MOV10L1: variants seen among roughly 807,000 people sequenced by gnomAD.
The protein encoded by MOV10L1 is RNA helicase Mov10l1.
Under a neutral mutation model 143.8 loss-of-function variants are expected in MOV10L1, and 110 were observed. That is an observed-to-expected ratio of 0.76 (90% CI 0.66 to 0.90). The LOEUF is 0.90. MOV10L1 is among the 40% of genes least tolerant of loss of function. The pLI, the probability that MOV10L1 is intolerant of heterozygous loss-of-function variation, is 0.00. For synonymous variants in MOV10L1, 593 were observed against 581.1 expected (o/e 1.02, Z -0.29); for missense variants, 1,406 against 1,526.8 (o/e 0.92, Z 1.32).
chr22:50,142,898 TG>T, intron 16 of MOV10L1, 144 bp from the exon 17 acceptor site: 1 of 692,618 alleles, frequency 1.4e-6, no homozygotes, highest in Non-Finnish European at 2.5e-6. Flanking sequence ...ATCTTACCCC[TG>T]GTCACACTGA....
intron 3 of MOV10L1, among the ~76,000 whole-genome samples, chr22:50,105,125 T>G (rs1265240116): frequency 6.6e-6 from 1 of 152,190 alleles, no homozygotes; most frequent in East Asian, 1.9e-4. Flanking sequence ...CCACAGTGTT[T>G]TTAATTGAGG....
intron 17 of MOV10L1, 50 bp from the exon 18 acceptor site, chr22:50,144,047 C>A: frequency 6.3e-7 from 1 of 1,581,204 alleles, no homozygotes; most frequent in Non-Finnish European, 8.7e-7. Context: ...CTGGTTTCCA[C>A]CTTGCGGTGT....
In MOV10L1 at chr22:50,125,141, G is replaced by A. The variant is rs149935506; in HGVS notation, c.1570-251G>A. Among the ~76,000 whole-genome samples, 80 of 152,332 alleles carry A rather than the reference G, an allele frequency of 5.3e-4. No individual in the cohort carries two copies. In the East Asian group the frequency reaches 0.013, roughly 25 times the overall value. On this transcript the variant is annotated intron_variant, in intron 10 of 26. Transcript: ENST00000262794. The stretch of plus-strand genomic sequence containing the variant: ...GGGAGGGTGGACAGGAGTGGGCAGT[G>A]CAGGGAGGGACACCGCCAGCTGGAG...
intron 15 of MOV10L1, among the ~76,000 whole-genome samples, chr22:50,137,684 G>C (rs567388205): frequency 6.6e-6 from 1 of 150,570 alleles, no homozygotes; most frequent in Non-Finnish European, 1.5e-5. Context: ...CAGCCTGGGC[G>C]ACAGAGCAAG....
chr22:50,151,255 A>G (rs1193632972), intron 21 of MOV10L1, among the ~76,000 whole-genome samples: 1 of 152,240 alleles, frequency 6.6e-6, no homozygotes, highest in African/African-American at 2.4e-5. Flanking sequence ...CTGGGCTCTC[A>G]GCCAACCTTG....
At position 50,158,629 on chromosome 22, in the gene MOV10L1, G is replaced by C. The variant is rs2063485036; in HGVS notation, c.3216+423G>C. ...TAGCGTCCCCAGGCCCCAGGGGCTG[G>C]TCCCAGGAAGCATCTCCACACGTTC... is the stretch of plus-strand genomic sequence containing the variant. On this transcript the variant is annotated intron_variant, in intron 23 of 26. Transcript: ENST00000262794. The surrounding 1 kb of genome is among the most constrained non-coding windows in gnomAD (Gnocchi z 5.0). 1 of 160,390 alleles carries C rather than the reference G, an allele frequency of 6.2e-6. No homozygotes were observed. Among genetic ancestry groups the C allele is most frequent in the Admixed American group, 6.3e-5 (1 of 15,948 alleles). The allele number at this position is 160,390 out of a possible 1,614,324, so 9.9% of individuals were successfully genotyped here. A position where few individuals can be genotyped will look rare whatever the true frequency, so the allele number is the denominator to read the frequency against.
At chr22:50,144,394 C>T (rs1298711528) in intron 18 of MOV10L1, 151 bp downstream of exon 18, 5 of 920,360 alleles carry the variant, frequency 5.4e-6, no homozygotes, top group East Asian at 2.7e-5. Flanking sequence ...CATGGGCCCT[C>T]CCTCACCGCT....
intron 10 of MOV10L1, among the ~76,000 whole-genome samples, chr22:50,124,380 C>T (rs1026788764): frequency 1.3e-5 from 2 of 152,140 alleles, no homozygotes; most frequent in Non-Finnish European, 1.5e-5. Flanking sequence ...TTGCACATAA[C>T]GTTGTTTTTT....
chr22:50,133,034 G>GAAAAA (rs928378169), intron 13 of MOV10L1, among the ~76,000 whole-genome samples: 2 of 129,264 alleles, frequency 1.5e-5, no homozygotes, highest in African/African-American at 5.4e-5. Context: ...GCCTCCGTCT[G>GAAAAA]AAAAAAAAAA....
At position 50,100,504 on chromosome 22, in the gene MOV10L1, T is replaced by A. The variant is rs116291835; in HGVS notation, c.442+902T>A. On this transcript the variant is annotated intron_variant, in intron 3 of 26. Coordinates refer to ENST00000262794, the MANE Select transcript of MOV10L1 (RefSeq NM_018995.3). ...TACGTTTCCTAAAGTATATATCCTT[T>A]TTCTTTCTTTCTTTCTTTCTTTTTT... Among the ~76,000 whole-genome samples the A allele has an allele frequency of 3.9e-3, 598 of 151,846 alleles. 3 individuals are homozygous for A. The highest frequency in any genetic ancestry group is 0.014 in the African/African-American group (580 of 41,400).
In MOV10L1 at chr22:50,152,318, G is replaced by A. The variant is rs886510117; in HGVS notation, c.2893-727G>A. On this transcript the variant is annotated intron_variant, in intron 21 of 26. Coordinates refer to ENST00000262794, the MANE Select transcript of MOV10L1 (RefSeq NM_018995.3). This position sits in a 1 kb window ranked among gnomAD's most constrained non-coding sequence, Gnocchi z 4.4. ...CGGCTCCCCGCGGCACAGACGCAGC[G>A]AGTCCTCATGCCAATACATGGGTCA... Among the ~76,000 whole-genome samples, 10 of 152,208 alleles carry A rather than the reference G, an allele frequency of 6.6e-5. No individual in the cohort carries two copies. Among genetic ancestry groups the A allele is most frequent in the African/African-American group, 2.4e-4 (10 of 41,446 alleles).
intron 3 of MOV10L1, among the ~76,000 whole-genome samples, chr22:50,106,992 T>C (rs4838835): frequency 0.24 from 34,094 of 144,690 alleles, 4,241 homozygotes; most frequent in Admixed American, 0.36. Flanking sequence ...TGAGCCACCA[T>C]GCCCGGCCAG....
rs2063562260 is a variant in MOV10L1 at position 50,161,644 on chromosome 22, A to G, written c.*195A>G. ...TGCCAGCCTGTTCCTGCCACAGGGCAGTCACTGCCGCCTACCCTGAAATAA... is the reference window on the plus strand; with the variant it reads ...TGCCAGCCTGTTCCTGCCACAGGGCGGTCACTGCCGCCTACCCTGAAATAA... On this transcript the variant is annotated 3_prime_UTR_variant, in exon 27 of 27. Transcript: ENST00000262794. 1.1e-5 allele frequency: 6 copies of G among 550,584 alleles called. No homozygotes were observed. Among genetic ancestry groups the G allele is most frequent in the Non-Finnish European group, 1.9e-5 (6 of 313,066 alleles). The allele number at this position is 550,584 out of a possible 1,614,324, so 34.1% of individuals were successfully genotyped here.
At chr22:50,113,916 T>C in intron 6 of MOV10L1, 128 bp downstream of exon 6, 1 of 698,834 alleles carries the variant, frequency 1.4e-6, no homozygotes. Flanking sequence ...TCTTTTCTTT[T>C]TTTTTTTTTT....
intron 15 of MOV10L1, among the ~76,000 whole-genome samples, chr22:50,141,585 C>G (rs535313252): frequency 1.3e-5 from 2 of 151,880 alleles, no homozygotes; most frequent in African/African-American, 4.8e-5. Context: ...AGTGATCCAC[C>G]TGTCTTGGCC....
rs780777371 is a variant in MOV10L1, at chr22:50,114,442, A to G, written c.946A>G (p.Lys316Glu). The change falls in exon 7 of 27, where the codon AAA (lysine) becomes GAA (glutamate). Residue 316 changes from lysine to glutamate, a missense_variant. Transcript: ENST00000262794. Reference protein sequence around the residue: ...SCKLAGWDKSKQFRFQMLDKD... With the variant: ...SCKLAGWDKSEQFRFQMLDKD... The stretch of plus-strand genomic sequence containing the variant: ...TAAACTGGCTGGCTGGGATAAATCT[A>G]AACAATTCAGATTCCAAATGCTGGA... 6.2e-7 allele frequency: 1 copy of G among 1,614,218 alleles called. No homozygotes were observed. Among genetic ancestry groups the G allele is most frequent in the Non-Finnish European group, 8.5e-7 (1 of 1,180,020 alleles).
At chr22:50,127,227 G>A (rs1236733543) in intron 12 of MOV10L1, among the ~76,000 whole-genome samples, 3 of 152,158 alleles carry the variant, frequency 2.0e-5, no homozygotes, top group African/African-American at 7.2e-5. Context: ...CAAAGAAGCA[G>A]AGCCAGAGAT....
In MOV10L1 at chr22:50,099,519, T is replaced by C; in HGVS notation, c.359T>C (p.Leu120Ser). The C allele has an allele frequency of 6.2e-7, 1 of 1,614,172 alleles. No individual in the cohort carries two copies. The highest frequency in any genetic ancestry group is 8.5e-7 in the Non-Finnish European group (1 of 1,180,020). ...CCCTCAGACTGCGGCCCCCGAGTGT[T>C]GATTGGCTGTGTGACTTCCCTGGTG... ...GSPSDCGPRV[L>S]IGCVTSLVEG... The change falls in exon 3 of 27, where the codon TTG becomes TCG. Residue 120 changes from leucine to serine, a missense_variant. Transcript: ENST00000262794.
intron 15 of MOV10L1, among the ~76,000 whole-genome samples, chr22:50,140,784 G>A (rs538198184): frequency 2.6e-5 from 4 of 151,260 alleles, no homozygotes; most frequent in African/African-American, 7.3e-5. Flanking sequence ...GTGTAGTGTC[G>A]CAATCATGGC....
Sources: gnomAD v4.1 joint callset for allele counts (sites outside exome capture counted in the v4.1 genomes callset) on GRCh38, gnomAD v4.1.1 for gene constraint, Gnocchi (gnomAD v3.1) non-coding constraint, MANE v1.5 for transcripts, NCBI Gene and HGNC (gene_info 2026-07-23, HGNC 2026-07-21) for gene names.